PTPRD: variants seen among roughly 807,000 people sequenced by gnomAD.
The protein encoded by PTPRD is protein tyrosine phosphatase receptor type D.
PTPRD carries 34 observed loss-of-function variants against 214.5 expected under a neutral mutation model. That is an observed-to-expected ratio of 0.16 (90% CI 0.12 to 0.21). The LOEUF (loss-of-function observed/expected upper bound fraction) is 0.21, where lower values mean the gene tolerates loss of function less well. PTPRD is among the 10% of genes least tolerant of loss of function. The pLI is 1.00. For synonymous variants in PTPRD, 1,128 were observed against 845.7 expected, an observed-to-expected ratio of 1.33 and a Z score of -5.79; for missense variants, 2,545 against 2,398.7, an observed-to-expected ratio of 1.06 and a Z score of -1.27.
chr9:8,928,023 C>T (rs1398435729), intron 11 of PTPRD, among the ~76,000 whole-genome samples: 1 of 152,136 alleles, frequency 6.6e-6, no homozygotes, highest in African/African-American at 2.4e-5. Flanking sequence ...AGCGTCTGTT[C>T]ATATCCTTCG....
chr9:10,278,767 T>TTTG (rs2094888698), intron 3 of PTPRD, among the ~76,000 whole-genome samples: 1 of 151,528 alleles, frequency 6.6e-6, no homozygotes, highest in Admixed American at 6.6e-5. Flanking sequence ...AAAGGTTTTT[T>TTTG]TTTTGTTTTG....
intron 8 of PTPRD, among the ~76,000 whole-genome samples, chr9:9,571,954 G>T (rs1017600354): frequency 1.3e-5 from 2 of 150,900 alleles, no homozygotes; most frequent in Admixed American, 6.6e-5. Flanking sequence ...AAGTTTAAAC[G>T]ATATTATGGT....
intron 11 of PTPRD, among the ~76,000 whole-genome samples, chr9:8,944,103 G>C (rs1003678779): frequency 3.3e-5 from 5 of 152,000 alleles, no homozygotes; most frequent in African/African-American, 7.2e-5. Context: ...GATCTGAATA[G>C]GTGGTTCTCA....
intron 4 of PTPRD, among the ~76,000 whole-genome samples, chr9:9,998,125 A>ATATATATATATATATATAT (rs1286206158): frequency 8.2e-5 from 4 of 48,548 alleles, no homozygotes; most frequent in African/African-American, 3.8e-4. Flanking sequence ...TAAAAAAAAA[A>ATATATATATATATATATAT]AAAAATATAT....
chr9:9,071,195 A>G (rs1353406279), intron 10 of PTPRD, among the ~76,000 whole-genome samples: 1 of 152,188 alleles, frequency 6.6e-6, no homozygotes, highest in Non-Finnish European at 1.5e-5. Flanking sequence ...AGTGGCTTGC[A>G]TGACCCTTTC....
At chr9:9,845,181 T>C (rs186867629) in intron 5 of PTPRD, among the ~76,000 whole-genome samples, 29 of 79,724 alleles carry the variant, frequency 3.6e-4, no homozygotes, top group African/African-American at 5.9e-4. Flanking sequence ...TATATATATA[T>C]TGCTCTATAT....
chr9:9,377,518 T>A (rs1247268905), intron 9 of PTPRD, among the ~76,000 whole-genome samples: 6 of 152,168 alleles, frequency 3.9e-5, no homozygotes, highest in African/African-American at 1.4e-4. Flanking sequence ...CTCTGTAAGT[T>A]TGGCATTATT....
chr9:10,324,086 C>A (rs1057004990), intron 3 of PTPRD, among the ~76,000 whole-genome samples: 2 of 151,852 alleles, frequency 1.3e-5, no homozygotes, highest in East Asian at 1.9e-4. Flanking sequence ...TAAAGCAAAC[C>A]CTTTGTAAAT....
At chr9:9,215,960 T>G (rs946134094) in intron 9 of PTPRD, among the ~76,000 whole-genome samples, 11 of 152,150 alleles carry the variant, frequency 7.2e-5, no homozygotes, top group African/African-American at 2.7e-4. Flanking sequence ...ATAAACCATT[T>G]TGTGACACCT....
chr9:8,831,415 C>T (rs565698891), intron 11 of PTPRD, among the ~76,000 whole-genome samples: 52 of 151,802 alleles, frequency 3.4e-4, no homozygotes, highest in Non-Finnish European at 5.7e-4. Context: ...ATTAGGAGAC[C>T]GGACTACACA....
At chr9:9,342,765 G>T (rs922661834) in intron 9 of PTPRD, among the ~76,000 whole-genome samples, 10 of 151,444 alleles carry the variant, frequency 6.6e-5, no homozygotes, top group African/African-American at 9.7e-5. Context: ...GAACATGCAG[G>T]TTTGATAAAT....
At chr9:10,157,368 C>G (rs1385300894) in intron 3 of PTPRD, among the ~76,000 whole-genome samples, 1 of 152,102 alleles carries the variant, frequency 6.6e-6, no homozygotes, top group Non-Finnish European at 1.5e-5. Context: ...TAAAAGGGAT[C>G]TTATTTCTCC....
rs1018139107 is a variant in PTPRD, at chr9:8,979,077, T to C, written c.-104+39620A>G. On this transcript the variant is annotated intron_variant, in intron 11 of 45. Transcript: ENST00000381196. ...CCAAACTTGTAATTCATTTCTTGTA[T>C]GTTTCTTTTTAAAGGTTAAAAGCAG... Among the ~76,000 whole-genome samples the C allele has an allele frequency of 4.6e-5, 7 of 152,312 alleles. No homozygotes were observed. In the East Asian group the frequency reaches 9.7e-4, roughly 21 times the overall value.
intron 11 of PTPRD, among the ~76,000 whole-genome samples, chr9:8,891,145 T>G (rs904856585): frequency 4.1e-5 from 6 of 147,492 alleles, no homozygotes. Flanking sequence ...TAATTTTTTT[T>G]TTTTTTGAGA....
chr9:9,370,081 C>T (rs1041613926), intron 9 of PTPRD, among the ~76,000 whole-genome samples: 8 of 152,066 alleles, frequency 5.3e-5, no homozygotes, highest in African/African-American at 1.9e-4. Context: ...TTAGGATTGA[C>T]TTGGCGATGC....
chr9:9,479,024 G>C (rs892860287), intron 8 of PTPRD, among the ~76,000 whole-genome samples: 1 of 152,094 alleles, frequency 6.6e-6, no homozygotes, highest in African/African-American at 2.4e-5. Flanking sequence ...TCTGGATTCA[G>C]AGAAAATAAT....
chr9:8,553,864 G>A (rs1459294136), intron 14 of PTPRD, among the ~76,000 whole-genome samples: 2 of 152,060 alleles, frequency 1.3e-5, no homozygotes, highest in South Asian at 2.1e-4. Flanking sequence ...AAAAGAAGGC[G>A]GCCAGTCTCT....
chr9:10,451,534 A>C (rs112340197), intron 2 of PTPRD, among the ~76,000 whole-genome samples: 1,817 of 151,506 alleles, frequency 0.012, 60 homozygotes, highest in African/African-American at 0.04. Context: ...ATATCTTCAG[A>C]CTGTTCATTA....
Position 8,849,214 on chromosome 9 carries a change from C to T in PTPRD, c.-103-115268G>A, listed in dbSNP as rs1222305127. On this transcript the variant is annotated intron_variant, in intron 11 of 45. Coordinates refer to ENST00000381196, the MANE Select transcript of PTPRD (RefSeq NM_002839.4). The stretch of plus-strand genomic sequence containing the variant: ...TTTTTGAGACGGAGTCTCGCTTTGT[C>T]CCCCAGGCTGGAGTGCATTGGTGTA... Among the ~76,000 whole-genome samples the T allele has an allele frequency of 2.4e-4, 28 of 115,678 alleles. No homozygotes were observed. In the East Asian group the frequency reaches 2.6e-3, roughly 11 times the overall value. 75.9% of individuals were successfully genotyped at this position (115,678 alleles called of 152,430 possible).
Sources: gnomAD v4.1 joint callset for allele counts (sites outside exome capture counted in the v4.1 genomes callset) on GRCh38, gnomAD v4.1.1 for gene constraint, MANE v1.5 for transcripts, NCBI Gene and HGNC (gene_info 2026-07-23, HGNC 2026-07-21) for gene names.